The following TMEM30A variants were observed in gnomAD, a reference collection of about 807,000 sequenced individuals.
TMEM30A encodes cell cycle control protein 50A.
A neutral mutation model predicts 38.2 loss-of-function variants in TMEM30A; 24 were observed. That is an observed-to-expected ratio of 0.63 (90% confidence interval 0.46 to 0.88). The LOEUF (loss-of-function observed/expected upper bound fraction) is 0.88. Among genes scored for constraint, TMEM30A ranks in the 40% least tolerant of loss-of-function variants. The probability of loss-of-function intolerance (pLI) is 0.00; values close to 1 mark genes in which losing one functional copy is unlikely to be tolerated. For missense variants in TMEM30A, 370 were observed against 458.6 expected, an observed-to-expected ratio of 0.81 and a Z score of 1.77; for synonymous variants, 145 against 161.6, an observed-to-expected ratio of 0.90 and a Z score of 0.78.
chr6:75,260,742 T>G, intron 4 of TMEM30A, 82 bp downstream of exon 4: 1 of 795,874 alleles, frequency 1.3e-6, no homozygotes, highest in Non-Finnish European at 1.9e-6. Flanking sequence ...ATTTCATTCA[T>G]GTTTACTAAA....
intron 1 of TMEM30A, among the ~76,000 whole-genome samples, chr6:75,281,149 C>T (rs1259018631): frequency 6.6e-6 from 1 of 152,160 alleles, no homozygotes; most frequent in East Asian, 1.9e-4. Context: ...AGTTTTTAAA[C>T]TTAGTCTGAA....
At chr6:75,259,539 T>C (rs771902815) in intron 4 of TMEM30A, 49 bp from the exon 5 acceptor site, 3 of 1,502,970 alleles carry the variant, frequency 2.0e-6, no homozygotes, top group Non-Finnish European at 2.7e-6. Flanking sequence ...TGAAAACTCA[T>C]AGCATCTGCT....
rs762151762 is a variant in TMEM30A, at chr6:75,259,400, T to A, written c.632A>T (p.Asn211Ile). 1.9e-6 allele frequency: 3 copies of A among 1,613,610 alleles called. No homozygotes were observed. The South Asian group carries it at 3.3e-5, about 18-fold the overall frequency. ...TCCAGGGGGATTTCTGAATTTCACA[T>A]TTTTATCTGTCCACCAAGCAATACC... Reference protein sequence around the residue: ...KKGIAWWTDKNVKFRNPPGGD... With the variant: ...KKGIAWWTDKIVKFRNPPGGD... Residue 211 changes from asparagine (N) to isoleucine (I), a missense_variant, in exon 5 of 7, where the codon AAT becomes ATT. Physicochemically the swap from Asn to Ile is moderately radical, Grantham distance 149. Coordinates refer to ENST00000230461, the MANE Select transcript of TMEM30A (RefSeq NM_018247.4).
At chr6:75,280,296 A>C (rs1334590615) in intron 1 of TMEM30A, among the ~76,000 whole-genome samples, 1 of 152,144 alleles carries the variant, frequency 6.6e-6, no homozygotes, top group Non-Finnish European at 1.5e-5. Context: ...GATTCATTAA[A>C]ACTCTAAGTC....
At chr6:75,259,524 T>A (rs776707498) in intron 4 of TMEM30A, 34 bp from the exon 5 acceptor site, 1 of 1,553,632 alleles carries the variant, frequency 6.4e-7, no homozygotes, top group African/African-American at 1.4e-5. Context: ...TTACTAACTA[T>A]CTCTTGAAAA....
intron 3 of TMEM30A, 128 bp downstream of exon 3, chr6:75,265,103 A>G (rs765470659): frequency 4.8e-5 from 26 of 541,528 alleles, no homozygotes; most frequent in Non-Finnish European, 5.4e-5. Flanking sequence ...TCTCGGGGGG[A>G]AAAAAATCCT....
In TMEM30A at chr6:75,253,036, C is replaced by T. The variant is rs1444357770; in HGVS notation, c.*3066G>A. Reference sequence around the variant, plus strand: ...TAAAAAGGGGTTCTAAAACACTTTACTAGATCATCCAAACCCTACAATAGA... The same window carrying T: ...TAAAAAGGGGTTCTAAAACACTTTATTAGATCATCCAAACCCTACAATAGA... On this transcript the variant is annotated 3_prime_UTR_variant, in exon 7 of 7. Coordinates refer to ENST00000230461, the MANE Select transcript of TMEM30A (RefSeq NM_018247.4). 1 of 152,050 alleles carries T rather than the reference C, an allele frequency of 6.6e-6. No homozygotes were observed. Among genetic ancestry groups the T allele is most frequent in the Non-Finnish European group, 1.5e-5 (1 of 67,988 alleles). The allele number at this position is 152,050 out of a possible 1,614,324, so 9.4% of individuals were successfully genotyped here.
intron 3 of TMEM30A, among the ~76,000 whole-genome samples, chr6:75,263,817 G>A (rs1772014908): frequency 6.6e-6 from 1 of 152,116 alleles, no homozygotes; most frequent in African/African-American, 2.4e-5. Context: ...ATCTATTCCT[G>A]GTGTGGCCTG....
rs1351540155 is a variant in TMEM30A, at chr6:75,256,286, A to G, written c.902T>C (p.Val301Ala). 3.1e-6 allele frequency: 5 copies of G among 1,612,774 alleles called. No homozygotes were observed. In the African/African-American group the frequency reaches 5.3e-5, roughly 17 times the overall value. The change falls in exon 7 of 7, where the codon GTA becomes GCA. Residue 301 changes from valine (V) to alanine (A), a missense_variant. Val to Ala is a moderately conservative substitution (Grantham distance 64). Transcript: ENST00000230461. ...CCGTTTTCGTCCATCAAAATAATGT[A>G]CAGGGTAATCTGAAGAGGGTATAGG... ...YSLNVTYNYP[V>A]HYFDGRKRMI...
At chr6:75,261,844 T>C (rs1053277917) in intron 3 of TMEM30A, among the ~76,000 whole-genome samples, 4 of 152,222 alleles carry the variant, frequency 2.6e-5, no homozygotes, top group African/African-American at 2.4e-5. Context: ...GGTAGGTATC[T>C]CATAAAGTCT....
chr6:75,268,220 T>G (rs1044577070), intron 1 of TMEM30A, among the ~76,000 whole-genome samples: 6 of 152,226 alleles, frequency 3.9e-5, no homozygotes, highest in Non-Finnish European at 8.8e-5. Context: ...GAATTTGTCT[T>G]TGTCTTGGGT....
chr6:75,269,231 G>A (rs542807833), intron 1 of TMEM30A, among the ~76,000 whole-genome samples: 6 of 152,146 alleles, frequency 3.9e-5, no homozygotes, highest in Admixed American at 2.6e-4. Context: ...TTTGACAAAC[G>A]TATAATGAGT....
intron 1 of TMEM30A, among the ~76,000 whole-genome samples, chr6:75,274,884 G>C (rs377552748): frequency 3.3e-5 from 5 of 152,040 alleles, no homozygotes; most frequent in Non-Finnish European, 7.4e-5. Flanking sequence ...GGTGGCGGGC[G>C]CCTGTAGTCC....
intron 1 of TMEM30A, among the ~76,000 whole-genome samples, chr6:75,277,604 A>AT (rs965409155): frequency 3.3e-5 from 5 of 150,584 alleles, no homozygotes; most frequent in Non-Finnish European, 7.4e-5. Context: ...CCCCATCTCT[A>AT]TTTTTTTTAA....
At chr6:75,277,537 G>A (rs1370908828) in intron 1 of TMEM30A, among the ~76,000 whole-genome samples, 1 of 152,184 alleles carries the variant, frequency 6.6e-6, no homozygotes, top group Non-Finnish European at 1.5e-5. Context: ...CCAGGAGTTT[G>A]AGGCTACAGT....
chr6:75,283,365 C>G (rs1000502734), intron 1 of TMEM30A, among the ~76,000 whole-genome samples: 1 of 150,918 alleles, frequency 6.6e-6, no homozygotes, highest in Non-Finnish European at 1.5e-5. Context: ...ATCAAGAGAA[C>G]TTGGTACTAG....
At chr6:75,268,108 T>C (rs561970914) in intron 1 of TMEM30A, among the ~76,000 whole-genome samples, 1 of 152,342 alleles carries the variant, frequency 6.6e-6, no homozygotes, top group South Asian at 2.1e-4. Flanking sequence ...TCCTCTTAAA[T>C]CTTTCAATCT....
Position 75,255,974 on chromosome 6 carries a change from G to C in TMEM30A, c.*128C>G, listed in dbSNP as rs1408463531. The stretch of plus-strand genomic sequence containing the variant: ...AGGGAAGAAGCAAACAACAAAGACT[G>C]CTTTTTTTTAGAAAAGTTATGTGCC... On this transcript the variant is annotated 3_prime_UTR_variant, in exon 7 of 7. Coordinates refer to ENST00000230461, the MANE Select transcript of TMEM30A (RefSeq NM_018247.4). The C allele has an allele frequency of 1.6e-6, 1 of 638,448 alleles. No homozygotes were observed. Among genetic ancestry groups the C allele is most frequent in the Non-Finnish European group, 2.6e-6 (1 of 384,946 alleles). The allele number at this position is 638,448 out of a possible 1,614,324, so 39.5% of individuals were successfully genotyped here. A position where few individuals can be genotyped will look rare whatever the true frequency, so the allele number is the denominator to read the frequency against.
intron 1 of TMEM30A, among the ~76,000 whole-genome samples, chr6:75,273,380 A>G (rs1440005757): frequency 1.3e-5 from 2 of 152,180 alleles, no homozygotes; most frequent in Non-Finnish European, 2.9e-5. Context: ...ACATTTATGA[A>G]TGCCTCTATG....
Sources: allele counts gnomAD v4.1 joint callset (sites outside exome capture counted in the v4.1 genomes callset), GRCh38; gene constraint gnomAD v4.1.1; transcripts MANE v1.5; gene names NCBI Gene and HGNC (gene_info 2026-07-23, HGNC 2026-07-21).